Variants in REEP1 observed in about 807,000 individuals in gnomAD.
REEP1 encodes the protein receptor accessory protein 1.
A neutral mutation model predicts 40.3 loss-of-function variants in REEP1; 22 were observed. The ratio of observed to expected loss-of-function variants is 0.55; its 90% CI spans 0.39 to 0.78. The LOEUF (loss-of-function observed/expected upper bound fraction) is 0.78. Ranked by LOEUF, REEP1 falls within the 30% of genes least tolerant of loss-of-function variation. The probability of loss-of-function intolerance (pLI) is 0.00; values close to 1 mark genes in which losing one functional copy is unlikely to be tolerated. For synonymous variants in REEP1, 116 were observed against 139.2 expected, an observed-to-expected ratio of 0.83 and a Z score of 1.17; for missense variants, 280 against 361.1, an observed-to-expected ratio of 0.78 and a Z score of 1.82.
At chr2:86,296,578 C>T (rs1381506348) in intron 1 of REEP1, among the ~76,000 whole-genome samples, 2 of 152,182 alleles carry the variant, frequency 1.3e-5, no homozygotes, top group African/African-American at 2.4e-5. Context: ...TGTCTAAGGC[C>T]GGGCATAGTG....
intron 1 of REEP1, among the ~76,000 whole-genome samples, chr2:86,335,705 T>A: frequency 6.6e-6 from 1 of 151,836 alleles, no homozygotes. Context: ...AAAAATTAGC[T>A]GGGCGTGGTG....
chr2:86,258,188 T>C (rs1239936748), intron 3 of REEP1, among the ~76,000 whole-genome samples: 2 of 152,230 alleles, frequency 1.3e-5, no homozygotes, highest in African/African-American at 2.4e-5. Flanking sequence ...CAGAGCGTCA[T>C]TGTTTTCTTT....
intron 2 of REEP1, among the ~76,000 whole-genome samples, chr2:86,276,779 G>A (rs1486760425): frequency 6.9e-6 from 1 of 145,124 alleles, no homozygotes; most frequent in Non-Finnish European, 1.5e-5. Context: ...ATCAAAGTGA[G>A]GTCCGTGGAC....
intron 6 of REEP1, among the ~76,000 whole-genome samples, chr2:86,232,336 G>C (rs1398649526): frequency 6.6e-6 from 1 of 152,182 alleles, no homozygotes; most frequent in Non-Finnish European, 1.5e-5. Context: ...GCTTTGCCTA[G>C]ACACTAGCCC....
At chr2:86,287,587 C>A (rs1678464180) in intron 1 of REEP1, among the ~76,000 whole-genome samples, 1 of 151,990 alleles carries the variant, frequency 6.6e-6, no homozygotes, top group East Asian at 1.9e-4. Flanking sequence ...CATATAAATC[C>A]ATTTTTATCA....
At chr2:86,330,057 T>C (rs139910105) in intron 1 of REEP1, among the ~76,000 whole-genome samples, 3 of 152,192 alleles carry the variant, frequency 2.0e-5, no homozygotes, top group African/African-American at 7.2e-5. Context: ...CATCGGTTCT[T>C]TGTAATTGCT....
At chr2:86,337,743 G>T, upstream of REEP1, 1 of 875,690 alleles carries the variant, frequency 1.1e-6, no homozygotes, top group Non-Finnish European at 1.4e-6. This position sits in a 1 kb window ranked among gnomAD's most constrained non-coding sequence, Gnocchi z 5.8. Context: ...CGATTGGGCG[G>T]TGAGCTGGTC....
intron 1 of REEP1, among the ~76,000 whole-genome samples, chr2:86,299,042 G>T (rs1487644087): frequency 1.3e-5 from 2 of 152,190 alleles, no homozygotes; most frequent in African/African-American, 4.8e-5. Flanking sequence ...GAGCTCAAAA[G>T]ATACCATTGT....
intron 6 of REEP1, among the ~76,000 whole-genome samples, chr2:86,231,078 C>T (rs899426450): frequency 3.9e-5 from 6 of 152,188 alleles, no homozygotes; most frequent in Admixed American, 6.5e-5. Context: ...GCACTGGCCC[C>T]GGAGTCAGAA....
At chr2:86,220,869 C>T (rs138876619) in intron 7 of REEP1, among the ~76,000 whole-genome samples, 5 of 152,224 alleles carry the variant, frequency 3.3e-5, no homozygotes, top group East Asian at 1.9e-4. Flanking sequence ...TCTCATTGAA[C>T]GCACAGTATT....
intron 1 of REEP1, among the ~76,000 whole-genome samples, chr2:86,329,310 T>C (rs374306066): frequency 7.2e-5 from 11 of 152,170 alleles, no homozygotes; most frequent in Non-Finnish European, 1.0e-4. Context: ...GGGATAACTG[T>C]TCTCATTTAG....
chr2:86,270,553 A>G (rs1677388921), intron 2 of REEP1, among the ~76,000 whole-genome samples: 1 of 152,218 alleles, frequency 6.6e-6, no homozygotes, highest in African/African-American at 2.4e-5. Context: ...TGTGAATACA[A>G]TGAGTGGAGA....
intron 1 of REEP1, among the ~76,000 whole-genome samples, chr2:86,288,302 G>A (rs1280785877): frequency 7.2e-5 from 11 of 152,140 alleles, no homozygotes; most frequent in East Asian, 1.9e-4. Context: ...GATTACAGGC[G>A]TGAGCCACAG....
At chr2:86,243,404 A>G (rs753567979) in intron 5 of REEP1, among the ~76,000 whole-genome samples, 1 of 152,248 alleles carries the variant, frequency 6.6e-6, no homozygotes, top group African/African-American at 2.4e-5. Flanking sequence ...CCCTTGAGGC[A>G]TCAGGCTGCA....
At chr2:86,290,507 G>A (rs1447498822) in intron 1 of REEP1, among the ~76,000 whole-genome samples, 12 of 152,152 alleles carry the variant, frequency 7.9e-5, no homozygotes, top group African/African-American at 2.4e-4. Context: ...GAGGTGTGTC[G>A]TGGCTCTCCA....
At chr2:86,287,723 C>T (rs1678470382) in intron 1 of REEP1, among the ~76,000 whole-genome samples, 2 of 152,148 alleles carry the variant, frequency 1.3e-5, no homozygotes, top group African/African-American at 4.8e-5. Context: ...AAAACTGTAA[C>T]ACACAGCAGA....
intron 1 of REEP1, among the ~76,000 whole-genome samples, chr2:86,289,912 T>C (rs988071556): frequency 3.9e-5 from 6 of 152,158 alleles, no homozygotes; most frequent in African/African-American, 1.2e-4. Context: ...TCAAAAGCAT[T>C]TGGAGTCTCA....
At chr2:86,296,317 G>A (rs1863065) in intron 1 of REEP1, among the ~76,000 whole-genome samples, 125,859 of 152,226 alleles carry the variant, frequency 0.83, 53,549 homozygotes, top group East Asian at 0.96. Flanking sequence ...TATAATTTCC[G>A]TTTCACAGAC....
rs1452660885 is a variant in REEP1 at position 86,216,877 on chromosome 2, AAAAT to A, written c.*158_*161del. ...CAGCAAAATAAAGAAAAGGGGGAAA[AAAAT>A]AAATCCTTAAAAGTGGAAGGGGAGA... On this transcript the variant is annotated 3_prime_UTR_variant, in exon 9 of 9. Transcript: ENST00000538924. 5 of 635,656 alleles carry A rather than the reference AAAAT, an allele frequency of 7.9e-6. No individual in the cohort carries two copies. The highest frequency in any genetic ancestry group is 6.0e-5 in the South Asian group (3 of 50,260). The allele number at this position is 635,656 out of a possible 1,614,324, so 39.4% of individuals were successfully genotyped here.
Sources: gnomAD v4.1 joint callset for allele counts (sites outside exome capture counted in the v4.1 genomes callset) on GRCh38, gnomAD v4.1.1 for gene constraint, Gnocchi (gnomAD v3.1) non-coding constraint, MANE v1.5 for transcripts, NCBI Gene and HGNC (gene_info 2026-07-23, HGNC 2026-07-21) for gene names.